TNS1: variants seen among roughly 807,000 people sequenced by gnomAD.
TNS1 encodes tensin 1.
A neutral mutation model predicts 168.6 loss-of-function variants in TNS1; 62 were observed. That is an observed-to-expected ratio of 0.37 (90% CI 0.30 to 0.45). The LOEUF is 0.45. TNS1 is among the 20% of genes least tolerant of loss of function. The pLI, the probability that TNS1 is intolerant of heterozygous loss-of-function variation, is 1.00. For missense variants in TNS1, 2,240 were observed against 2,339.4 expected (o/e 0.96, Z 0.88); for synonymous variants, 934 against 933.2 (o/e 1.00, Z -0.02).
chr2:217,848,119 G>C lies in TNS1; in HGVS notation c.2398C>G (p.Leu800Val). Residue 800 changes from leucine to valine, a missense_variant, in exon 19 of 33, where the codon CTT (leucine) becomes GTT (valine). Transcript: ENST00000682258. ...RQQERAHLES[L>V]VASRPSPQPL... Reference sequence around the variant, plus strand: ...TGAGGGCTGGGCCTGCTGGCTACAAGACTCTCCAAGTGGGCTCTTTCCTGC... The same window carrying C: ...TGAGGGCTGGGCCTGCTGGCTACAACACTCTCCAAGTGGGCTCTTTCCTGC... The C allele has an allele frequency of 6.3e-7, 1 of 1,585,566 alleles. No homozygotes were observed. Among genetic ancestry groups the C allele is most frequent in the Non-Finnish European group, 8.6e-7 (1 of 1,167,050 alleles).
chr2:218,016,390 C>A (rs1958760618), intron 1 of TNS1, among the ~76,000 whole-genome samples: 1 of 152,184 alleles, frequency 6.6e-6, no homozygotes, highest in Non-Finnish European at 1.5e-5. Flanking sequence ...AGGTCCCCGC[C>A]CACTTCAGGT....
intron 3 of TNS1, among the ~76,000 whole-genome samples, chr2:217,927,655 G>C (rs111632732): frequency 1.3e-5 from 2 of 152,172 alleles, no homozygotes. Context: ...GCACCCTGAA[G>C]CCTAGGGGCC....
chr2:217,819,883 G>A (rs1942540918), intron 23 of TNS1, among the ~76,000 whole-genome samples: 1 of 152,192 alleles, frequency 6.6e-6, no homozygotes, highest in Non-Finnish European at 1.5e-5. Flanking sequence ...ACCTGGAGCT[G>A]CAGGCTGGAA....
chr2:217,886,756 T>TCTCCCCAACCAACATGGTCCCC lies in TNS1; in HGVS notation c.867-132_867-111dup. 7.3e-6 allele frequency: 6 copies of TCTCCCCAACCAACATGGTCCCC among 822,466 alleles called. No homozygotes were observed. The South Asian group carries it at 9.7e-5, about 13-fold the overall frequency. The allele number at this position is 822,466 out of a possible 1,614,324, so 50.9% of individuals were successfully genotyped here. On this transcript the variant is annotated intron_variant, in intron 12 of 32. Transcript: ENST00000682258. ...CCTAGACCACTCACCTACTCTACCC[T>TCTCCCCAACCAACATGGTCCCC]CTCCCCAACCAACATGGTCCCCCTC...
upstream of TNS1, among the ~76,000 whole-genome samples, chr2:218,006,198 G>A (rs1216716507): frequency 2.0e-5 from 3 of 152,242 alleles, no homozygotes; most frequent in Admixed American, 2.0e-4. Context: ...TGCTGGCCCT[G>A]GGGCTGGAGG....
At chr2:217,832,471 C>G (rs1165447786) in intron 21 of TNS1, among the ~76,000 whole-genome samples, 1 of 152,200 alleles carries the variant, frequency 6.6e-6, no homozygotes, top group African/African-American at 2.4e-5. Flanking sequence ...AAAATGAACT[C>G]TGTGTCTCCT....
At chr2:218,025,085 T>G (rs1294490850) in intron 1 of TNS1, among the ~76,000 whole-genome samples, 1 of 152,120 alleles carries the variant, frequency 6.6e-6, no homozygotes, top group Non-Finnish European at 1.5e-5. Flanking sequence ...TCTAGGTGCT[T>G]GGGTCACCCC....
At chr2:217,933,639 A>T (rs1956444566) in intron 3 of TNS1, among the ~76,000 whole-genome samples, 1 of 152,218 alleles carries the variant, frequency 6.6e-6, no homozygotes, top group South Asian at 2.1e-4. Context: ...GGGGAACAAG[A>T]GCAGCCCAGG....
chr2:217,952,024 T>C (rs1957255378), intron 3 of TNS1, among the ~76,000 whole-genome samples: 1 of 152,234 alleles, frequency 6.6e-6, no homozygotes, highest in Non-Finnish European at 1.5e-5. Flanking sequence ...CACAGCCAGA[T>C]GGGCCCCTGC....
chr2:217,973,031 G>A (rs1488648347), intron 3 of TNS1, among the ~76,000 whole-genome samples: 1 of 152,180 alleles, frequency 6.6e-6, no homozygotes, highest in Admixed American at 6.5e-5. Context: ...AAAAGCTGCT[G>A]TATACACACA....
intron 1 of TNS1, among the ~76,000 whole-genome samples, chr2:218,019,807 G>A (rs1027088693): frequency 1.3e-5 from 2 of 152,126 alleles, no homozygotes; most frequent in African/African-American, 4.8e-5. Flanking sequence ...TGATTGAGAA[G>A]TGCCTCCTGA....
In TNS1 at chr2:217,948,627, C is replaced by T. The variant is rs1332373042; in HGVS notation, c.187-28391G>A. On this transcript the variant is annotated intron_variant, in intron 3 of 32. Coordinates refer to ENST00000682258, the MANE Select transcript of TNS1 (RefSeq NM_001387777.1). This position sits in a 1 kb window ranked among gnomAD's most constrained non-coding sequence, Gnocchi z 4.1. ...GGATCACCCCCTAGTGGGGCCTCCT[C>T]ACTAGGGCTCACTCCAGAGATGACC... 6.6e-6 allele frequency among the ~76,000 whole-genome samples: 1 copy of T among 152,184 alleles called. No individual in the cohort carries two copies. The highest frequency in any genetic ancestry group is 2.4e-5 in the African/African-American group (1 of 41,436).
chr2:217,845,081 C>T (rs897039621), intron 19 of TNS1, among the ~76,000 whole-genome samples: 2 of 152,176 alleles, frequency 1.3e-5, no homozygotes, highest in African/African-American at 4.8e-5. Context: ...CTGCCCCTAC[C>T]TTCTCCTCTA....
intron 3 of TNS1, among the ~76,000 whole-genome samples, chr2:217,961,138 G>C (rs896905333): frequency 6.6e-6 from 1 of 151,684 alleles, no homozygotes; most frequent in African/African-American, 2.4e-5. Flanking sequence ...AGAACTTCAG[G>C]GAGCTCTGTC....
At chr2:218,019,978 G>A (rs1468367878) in intron 1 of TNS1, among the ~76,000 whole-genome samples, 1 of 151,810 alleles carries the variant, frequency 6.6e-6, no homozygotes, top group Non-Finnish European at 1.5e-5. Context: ...ACTCTTTTTT[G>A]CAGGTAAGAG....
intron 6 of TNS1, chr2:217,903,888 C>T: frequency 4.4e-6 from 2 of 456,350 alleles, no homozygotes; most frequent in Non-Finnish European, 3.8e-6. Flanking sequence ...AACCTCCAGC[C>T]TTGGGTGGGG....
chr2:217,855,556 ATCTCTC>A (rs3838562), intron 18 of TNS1, among the ~76,000 whole-genome samples: 43,833 of 147,444 alleles, frequency 0.3, 6,480 homozygotes, highest in Middle Eastern at 0.39. Flanking sequence ...AAGAGCCTTT[ATCTCTC>A]TCTCTCTCTC....
In TNS1 at chr2:218,031,553, G is replaced by A. The variant is rs561537011; in HGVS notation, c.156+2267C>T. 4.5e-5 allele frequency among the ~76,000 whole-genome samples: 6 copies of A among 132,292 alleles called. No homozygotes were observed. In the East Asian group the frequency reaches 1.3e-3, roughly 29 times the overall value. 86.8% of individuals were successfully genotyped at this position (132,292 alleles called of 152,430 possible). ...TGTGTGTGTGCCTGTGTGTATGAGT[G>A]TATGTGTGTGTCTGTGTGTGTGTGC... is the stretch of plus-strand genomic sequence containing the variant. On this transcript the variant is annotated intron_variant, in intron 1 of 1. Coordinates refer to the TNS1 transcript ENST00000649572.
chr2:217,953,590 G>A (rs183498345), intron 3 of TNS1, among the ~76,000 whole-genome samples: 89 of 152,264 alleles, frequency 5.8e-4, no homozygotes, highest in Non-Finnish European at 2.8e-4. Context: ...CTGGCTGGGG[G>A]ACCCTGGCAG....
Sources: allele counts gnomAD v4.1 joint callset (sites outside exome capture counted in the v4.1 genomes callset), GRCh38; gene constraint gnomAD v4.1.1; non-coding constraint Gnocchi (gnomAD v3.1); transcripts MANE v1.5; gene names NCBI Gene and HGNC (gene_info 2026-07-23, HGNC 2026-07-21).